The following BARD1 variants were observed in gnomAD, a reference collection of about 807,000 sequenced individuals.
The protein encoded by BARD1 is BRCA1 associated RING domain 1.
Under a neutral mutation model 77.0 loss-of-function variants are expected in BARD1, and 73 were observed. That is an observed-to-expected ratio of 0.95 (90% CI 0.79 to 1.15). BARD1 has a LOEUF of 1.15. Ranked by LOEUF, BARD1 falls within the 50% of genes most tolerant of loss-of-function variation. BARD1 has a pLI of 0.00. For synonymous variants in BARD1, 384 were observed against 338.0 expected (o/e 1.14, Z -1.49); for missense variants, 993 against 938.8 (o/e 1.06, Z -0.75).
chr2:214,764,200 C>T (rs1339446505), intron 6 of BARD1, among the ~76,000 whole-genome samples: 4 of 152,114 alleles, frequency 2.6e-5, no homozygotes, highest in African/African-American at 9.7e-5. Context: ...AAAAGTATAC[C>T]ATAATCTTCA....
intron 4 of BARD1, among the ~76,000 whole-genome samples, chr2:214,778,615 T>C (rs1433068905): frequency 6.6e-6 from 1 of 152,094 alleles, no homozygotes; most frequent in African/African-American, 2.4e-5. Flanking sequence ...AGACCAAGAG[T>C]AGGCAAACTA....
At chr2:214,786,107 C>T (rs984846038) in intron 3 of BARD1, among the ~76,000 whole-genome samples, 2 of 151,802 alleles carry the variant, frequency 1.3e-5, no homozygotes, top group Non-Finnish European at 2.9e-5. Flanking sequence ...AGAAGAAAAC[C>T]AGTGGCCACT....
rs1216012774 is a variant in BARD1 at position 214,772,448 on chromosome 2, T to C, written c.1315-3136A>G. On this transcript the variant is annotated intron_variant, in intron 4 of 10. Coordinates refer to ENST00000260947, the MANE Select transcript of BARD1 (RefSeq NM_000465.4). ...TCCCCATTCTAATTCTACATGGTAATGCAAAAAAAAAATATTAAAGAAGCT... is the reference window on the plus strand; with the variant it reads ...TCCCCATTCTAATTCTACATGGTAACGCAAAAAAAAAATATTAAAGAAGCT... Among the ~76,000 whole-genome samples the C allele has an allele frequency of 2.7e-5, 4 of 150,774 alleles. No homozygotes were observed. The East Asian group carries it at 5.8e-4, about 22-fold the overall frequency.
Position 214,728,662 on chromosome 2 carries a change from A to G in BARD1, c.*14T>C. On this transcript the variant is annotated 3_prime_UTR_variant, in exon 11 of 11. Coordinates refer to ENST00000260947, the MANE Select transcript of BARD1 (RefSeq NM_000465.4). ...CGTGCAAATTCAATTTGAAATGTTC[A>G]TCTGGTATAATATTCAGCTGTCAAG... 6.2e-7 allele frequency: 1 copy of G among 1,613,424 alleles called. No individual in the cohort carries two copies. Among genetic ancestry groups the G allele is most frequent in the Non-Finnish European group, 8.5e-7 (1 of 1,179,592 alleles).
At chr2:214,747,912 ATTCAG>A (rs1217316735) in intron 7 of BARD1, among the ~76,000 whole-genome samples, 8 of 151,870 alleles carry the variant, frequency 5.3e-5, no homozygotes, top group African/African-American at 1.9e-4. Context: ...AAAGGAAAAT[ATTCAG>A]TGTACTTTAT....
intron 1 of BARD1, among the ~76,000 whole-genome samples, chr2:214,800,431 A>T (rs983529518): frequency 6.6e-6 from 1 of 152,200 alleles, no homozygotes; most frequent in Non-Finnish European, 1.5e-5. Flanking sequence ...CCAGCTACTC[A>T]GGAGGCTGAG....
At chr2:214,799,074 G>C (rs892582058) in intron 1 of BARD1, among the ~76,000 whole-genome samples, 1 of 151,962 alleles carries the variant, frequency 6.6e-6, no homozygotes, top group African/African-American at 2.4e-5. Flanking sequence ...CCAAGATTGA[G>C]CCACTGCACT....
At chr2:214,747,553 G>C (rs933075823) in intron 7 of BARD1, among the ~76,000 whole-genome samples, 20 of 151,816 alleles carry the variant, frequency 1.3e-4, no homozygotes, top group African/African-American at 4.8e-4. Context: ...CATGTCCTTT[G>C]TAGGGACATG....
At chr2:214,794,380 G>C (rs1418161215) in intron 2 of BARD1, among the ~76,000 whole-genome samples, 1 of 152,106 alleles carries the variant, frequency 6.6e-6, no homozygotes, top group Non-Finnish European at 1.5e-5. Flanking sequence ...TATGTATAAA[G>C]CCAGATTTTC....
In BARD1 at chr2:214,729,127, G is replaced by C. The variant is rs2075623; in HGVS notation, c.2002-119C>G. ...ATATCCCTTACCTGAAACATTTGGA[G>C]GAGAAGCATTTCAGATTCATAAATT... is the stretch of plus-strand genomic sequence containing the variant. On this transcript the variant is annotated intron_variant, in intron 10 of 10. Coordinates refer to ENST00000260947, the MANE Select transcript of BARD1 (RefSeq NM_000465.4). 748,388 of 1,219,114 alleles carry C rather than the reference G, an allele frequency of 0.61. 231,903 individuals are homozygous for C. The highest frequency in any genetic ancestry group is 0.77 in the African/African-American group (50,088 of 65,364). 75.5% of individuals were successfully genotyped at this position (1,219,114 alleles called of 1,614,324 possible).
At chr2:214,779,398 AT>A (rs58401748) in intron 4 of BARD1, among the ~76,000 whole-genome samples, 4,295 of 152,238 alleles carry the variant, frequency 0.028, 203 homozygotes, top group African/African-American at 0.098. Flanking sequence ...TTTAATTTGC[AT>A]TTTTTTATTG....
intron 3 of BARD1, among the ~76,000 whole-genome samples, chr2:214,786,563 T>C (rs1178031704): frequency 6.6e-6 from 1 of 151,880 alleles, no homozygotes; most frequent in Non-Finnish European, 1.5e-5. Context: ...TAAGAAGAAA[T>C]GGGAAACAGG....
intron 1 of BARD1, among the ~76,000 whole-genome samples, chr2:214,807,422 T>G (rs1696324578): frequency 6.6e-6 from 1 of 152,224 alleles, no homozygotes; most frequent in South Asian, 2.1e-4. Flanking sequence ...TATATTCATA[T>G]ATATTATCTA....
At chr2:214,809,365 GT>G in intron 1 of BARD1, 46 bp downstream of exon 1, 1 of 1,608,092 alleles carries the variant, frequency 6.2e-7, no homozygotes, top group East Asian at 2.2e-5. Context: ...CCCAGAAACT[GT>G]GCGACCCGTG....
At chr2:214,761,830 GAAGAACAA>G (rs551529412) in intron 6 of BARD1, among the ~76,000 whole-genome samples, 141 of 152,084 alleles carry the variant, frequency 9.3e-4, no homozygotes, top group African/African-American at 3.2e-3. Context: ...TTTAAAAAAG[GAAGAACAA>G]AACAAGCAAG....
At position 214,779,686 on chromosome 2, in the gene BARD1, A is replaced by G. The variant is rs543911503; in HGVS notation, c.1314+874T>C. Among the ~76,000 whole-genome samples, 33 of 152,290 alleles carry G rather than the reference A, an allele frequency of 2.2e-4. No homozygotes were observed. The South Asian group carries it at 6.6e-3, about 31-fold the overall frequency. ...CCAGCCTCATGTTTGTGGACCTCCA[A>G]GTGGTTCCTCCCAGGTGTCCCAAAG... On this transcript the variant is annotated intron_variant, in intron 4 of 10. Transcript: ENST00000260947.
intron 6 of BARD1, among the ~76,000 whole-genome samples, chr2:214,762,980 G>C (rs751589192): frequency 1.4e-5 from 2 of 147,392 alleles, no homozygotes; most frequent in African/African-American, 2.5e-5. Context: ...TCCCTCCCCA[G>C]TGTGAAGGAG....
intron 7 of BARD1, among the ~76,000 whole-genome samples, chr2:214,747,016 A>G (rs1693153845): frequency 6.6e-6 from 1 of 152,176 alleles, no homozygotes; most frequent in African/African-American, 2.4e-5. Context: ...CAAGAAAAAA[A>G]CAAACAACCC....
At chr2:214,739,295 C>G (rs1244862774) in intron 9 of BARD1, among the ~76,000 whole-genome samples, 2 of 149,896 alleles carry the variant, frequency 1.3e-5, no homozygotes, top group African/African-American at 4.9e-5. Flanking sequence ...TATATGAAAA[C>G]AAATGTTCTA....
Sources: allele counts gnomAD v4.1 joint callset (sites outside exome capture counted in the v4.1 genomes callset), GRCh38; gene constraint gnomAD v4.1.1; transcripts MANE v1.5; gene names NCBI Gene and HGNC (gene_info 2026-07-23, HGNC 2026-07-21).